The following SLC35E4 variants were observed in gnomAD, a reference collection of about 807,000 sequenced individuals.
The protein encoded by SLC35E4 is solute carrier family 35, member E4.
Under a neutral mutation model 19.3 loss-of-function variants are expected in SLC35E4, and 15 were observed. The observed-to-expected ratio is 0.78, with a 90% CI of 0.52 to 1.20. SLC35E4 has a LOEUF of 1.20. Among genes scored for constraint, SLC35E4 ranks in the 50% most tolerant of loss-of-function variants. The pLI, the probability that SLC35E4 is intolerant of heterozygous loss-of-function variation, is 0.00. For synonymous variants in SLC35E4, 219 were observed against 219.9 expected (o/e 1.00, Z 0.04); for missense variants, 406 against 472.3 (o/e 0.86, Z 1.30).
At chr22:30,662,472 T>C (rs1484847201) in exon 3 of SLC35E4, 1 of 152,174 alleles carries the variant, frequency 6.6e-6, no homozygotes, top group African/African-American at 2.4e-5. Context: ...TGCCAAAGTT[T>C]GGTGAGGGAT....
intron 2 of SLC35E4, among the ~76,000 whole-genome samples, chr22:30,660,916 T>C (rs560126333): frequency 8.5e-5 from 13 of 152,050 alleles, no homozygotes; most frequent in African/African-American, 3.1e-4. Flanking sequence ...CTTGGCTCAC[T>C]GCAACCTCTG....
chr22:30,659,264 C>T (rs1446174847), intron 2 of SLC35E4, among the ~76,000 whole-genome samples: 1 of 151,936 alleles, frequency 6.6e-6, no homozygotes, highest in Non-Finnish European at 1.5e-5. Flanking sequence ...GGGATTTAAA[C>T]AAGACCTATT....
rs2088148171 is a variant in SLC35E4, at chr22:30,647,133, C to A, written c.*102C>A. ...GAGAACAGGGCTGGGCATGGTGGCT[C>A]ACGCCTATAATCCCAGCACTTCCAG... On this transcript the variant is annotated 3_prime_UTR_variant, in exon 2 of 2. Coordinates refer to ENST00000343605, the MANE Select transcript of SLC35E4 (RefSeq NM_001001479.4). 7.4e-7 allele frequency: 1 copy of A among 1,358,778 alleles called. No individual in the cohort carries two copies. Among genetic ancestry groups the A allele is most frequent in the African/African-American group, 1.5e-5 (1 of 68,592 alleles). The allele number at this position is 1,358,778 out of a possible 1,614,324, so 84.2% of individuals were successfully genotyped here. A position where few individuals can be genotyped will look rare whatever the true frequency, so the allele number is the denominator to read the frequency against.
chr22:30,644,669 G>A (rs375808280), intron 1 of SLC35E4, among the ~76,000 whole-genome samples: 91 of 152,150 alleles, frequency 6.0e-4, no homozygotes, highest in African/African-American at 1.7e-3. Context: ...GCTTGAGCTC[G>A]GAAGGCAGTA....
At chr22:30,655,850 C>G (rs1356076485) in intron 2 of SLC35E4, among the ~76,000 whole-genome samples, 1 of 152,116 alleles carries the variant, frequency 6.6e-6, no homozygotes, top group South Asian at 2.1e-4. Context: ...GGATGAGAAT[C>G]CACACCTCTT....
At chr22:30,642,291 G>A (rs111970091) in intron 1 of SLC35E4, among the ~76,000 whole-genome samples, 3,353 of 152,218 alleles carry the variant, frequency 0.022, 71 homozygotes, top group South Asian at 0.029. Flanking sequence ...ACGGGCATGA[G>A]CCACCACACC....
intron 2 of SLC35E4, among the ~76,000 whole-genome samples, chr22:30,656,675 T>C (rs924586380): frequency 6.6e-6 from 1 of 152,222 alleles, no homozygotes; most frequent in African/African-American, 2.4e-5. Flanking sequence ...AAAAGGCTGC[T>C]CTACTCTGAG....
chr22:30,665,352 C>T (rs2088610182), downstream of SLC35E4: 1 of 275,986 alleles, frequency 3.6e-6, no homozygotes, highest in Non-Finnish European at 7.4e-6. Flanking sequence ...GTCTCTCCAG[C>T]CTCTTATTAG....
chr22:30,651,371 T>TTTTTTGTGTGTGTGTG (rs1555899345), downstream of SLC35E4, among the ~76,000 whole-genome samples: 2 of 41,202 alleles, frequency 4.9e-5, no homozygotes, highest in African/African-American at 2.2e-4. Flanking sequence ...TGGCTAATTT[T>TTTTTTGTGTGTGTGTG]TGTGTGTGTG....
chr22:30,657,272 TA>T (rs758981579), intron 2 of SLC35E4, among the ~76,000 whole-genome samples: 2 of 63,378 alleles, frequency 3.2e-5, no homozygotes, highest in African/African-American at 1.4e-4. Flanking sequence ...CTGTCTCTAC[TA>T]AAAACACACA....
At chr22:30,641,605 G>A (rs993965520) in intron 1 of SLC35E4, among the ~76,000 whole-genome samples, 3 of 151,476 alleles carry the variant, frequency 2.0e-5, no homozygotes, top group Non-Finnish European at 4.4e-5. Context: ...GAATGCAGCA[G>A]TGCAATCTCA....
intron 1 of SLC35E4, among the ~76,000 whole-genome samples, chr22:30,645,820 T>TA (rs1491261051): frequency 1.0e-4 from 6 of 59,752 alleles, no homozygotes; most frequent in Non-Finnish European, 2.0e-4. Context: ...ACCTGACCGA[T>TA]TTTTTTTTTT....
chr22:30,641,718 ATTTTTTTTTT>A (rs56070783), intron 1 of SLC35E4, among the ~76,000 whole-genome samples: 76 of 108,934 alleles, frequency 7.0e-4, no homozygotes, highest in East Asian at 2.0e-3. Context: ...CTAATTTTTA[ATTTTTTTTTT>A]TTTTTTTTTT....
At chr22:30,663,702 A>G (rs768947169), downstream of SLC35E4, 10 of 1,614,128 alleles carry the variant, frequency 6.2e-6, no homozygotes, top group South Asian at 7.7e-5. Flanking sequence ...ACAGTGCAGC[A>G]AAGTACGGCC....
chr22:30,657,622 A>T (rs1157402411), intron 2 of SLC35E4, among the ~76,000 whole-genome samples: 1 of 151,630 alleles, frequency 6.6e-6, no homozygotes, highest in Non-Finnish European at 1.5e-5. Context: ...TTTAAAAAAT[A>T]GGCCAGGCGC....
intron 2 of SLC35E4, among the ~76,000 whole-genome samples, chr22:30,658,932 C>T (rs2088401058): frequency 6.6e-6 from 1 of 151,966 alleles, no homozygotes; most frequent in African/African-American, 2.4e-5. Context: ...ATCACGAGAT[C>T]AGGAGATCGA....
intron 2 of SLC35E4, among the ~76,000 whole-genome samples, chr22:30,655,711 G>A (rs1348435176): frequency 3.3e-5 from 5 of 152,088 alleles, no homozygotes; most frequent in Non-Finnish European, 5.9e-5. Flanking sequence ...TCTGCTTTCT[G>A]TAAATAGAGG....
chr22:30,637,172 G>GA, intron 1 of SLC35E4, 103 bp downstream of exon 1: 1 of 1,464,858 alleles, frequency 6.8e-7, no homozygotes, highest in Non-Finnish European at 9.1e-7. Context: ...TACAAATGAG[G>GA]AAACTGAGGT....
chr22:30,642,525 G>A (rs1366171136), intron 1 of SLC35E4, among the ~76,000 whole-genome samples: 1 of 151,380 alleles, frequency 6.6e-6, no homozygotes, highest in Non-Finnish European at 1.5e-5. Flanking sequence ...CTCACTTGAG[G>A]TCAGGAGTTC....
Sources: gnomAD v4.1 joint callset for allele counts (sites outside exome capture counted in the v4.1 genomes callset) on GRCh38, gnomAD v4.1.1 for gene constraint, MANE v1.5 for transcripts, NCBI Gene and HGNC (gene_info 2026-07-23, HGNC 2026-07-21) for gene names.